PARP8: variants seen among roughly 807,000 people sequenced by gnomAD.
PARP8 encodes poly(ADP-ribose) polymerase family member 8.
PARP8 carries 51 observed loss-of-function variants against 124.1 expected under a neutral mutation model. The ratio of observed to expected loss-of-function variants is 0.41; its 90% confidence interval spans 0.33 to 0.52. The LOEUF is 0.52. Among genes scored for constraint, PARP8 ranks in the 20% least tolerant of loss-of-function variants. The pLI is 0.21. For missense variants in PARP8, 860 were observed against 1,018.9 expected, an observed-to-expected ratio of 0.84 and a Z score of 2.12; for synonymous variants, 391 against 361.5, an observed-to-expected ratio of 1.08 and a Z score of -0.93.
At chr5:50,816,322 G>C (rs564470801) in intron 15 of PARP8, among the ~76,000 whole-genome samples, 1 of 152,094 alleles carries the variant, frequency 6.6e-6, no homozygotes, top group Non-Finnish European at 1.5e-5. Flanking sequence ...TTGGTTTAGC[G>C]CTTTACCTTA....
chr5:50,778,223 T>C, intron 8 of PARP8, 94 bp downstream of exon 8: 2 of 913,792 alleles, frequency 2.2e-6, no homozygotes, highest in Non-Finnish European at 3.3e-6. Context: ...TGTCTTATAA[T>C]ACTATTAGTT....
At chr5:50,783,770 T>C (rs2149622684) in intron 9 of PARP8, among the ~76,000 whole-genome samples, 1 of 152,334 alleles carries the variant, frequency 6.6e-6, no homozygotes, top group African/African-American at 2.4e-5. Flanking sequence ...ATCATTTCAA[T>C]TGCGTGGCTC....
In PARP8 at chr5:50,695,905, T is replaced by C. The variant is rs78931005; in HGVS notation, c.146+27780T>C. On this transcript the variant is annotated intron_variant, in intron 2 of 25. Transcript: ENST00000281631. ...CATTCTCCTCTATGCATTATCTTGA[T>C]ATATTTGAGTTGAATTTACTGTTAA... is the stretch of plus-strand genomic sequence containing the variant. Among the ~76,000 whole-genome samples, 1,292 of 152,296 alleles carry C rather than the reference T, an allele frequency of 8.5e-3. 17 individuals carry two copies. Among genetic ancestry groups the C allele is most frequent in the African/African-American group, 0.03 (1,243 of 41,570 alleles).
At chr5:50,837,866 TAAA>T (rs1747755382) in intron 25 of PARP8, among the ~76,000 whole-genome samples, 1 of 151,836 alleles carries the variant, frequency 6.6e-6, no homozygotes, top group African/African-American at 2.4e-5. Context: ...GAAACTTAAT[TAAA>T]TATAAGTGCT....
intron 22 of PARP8, 126 bp downstream of exon 22, chr5:50,830,087 T>C: frequency 1.7e-6 from 2 of 1,148,290 alleles, no homozygotes; most frequent in East Asian, 3.0e-5. Context: ...GTTTGCTAAA[T>C]GTCAAAAGCA....
chr5:50,775,710 G>A (rs1257540981), intron 7 of PARP8, among the ~76,000 whole-genome samples: 1 of 152,104 alleles, frequency 6.6e-6, no homozygotes, highest in African/African-American at 2.4e-5. Flanking sequence ...CATTATTGGT[G>A]TACAGAAACT....
At chr5:50,783,229 GAGA>G (rs1477557622) in intron 9 of PARP8, among the ~76,000 whole-genome samples, 1 of 151,934 alleles carries the variant, frequency 6.6e-6, no homozygotes, top group African/African-American at 2.4e-5. Context: ...GAAGGGAGGA[GAGA>G]AGAAGGGAAA....
At chr5:50,667,850 G>T in intron 1 of PARP8, 1 of 1,333,828 alleles carries the variant, frequency 7.5e-7, no homozygotes, top group South Asian at 1.3e-5. Flanking sequence ...CTGTTGCCAT[G>T]GCACCCGGCA....
At chr5:50,692,553 C>T (rs1173617023) in intron 2 of PARP8, among the ~76,000 whole-genome samples, 1 of 151,722 alleles carries the variant, frequency 6.6e-6, no homozygotes, top group Admixed American at 6.6e-5. Context: ...TAGTACAGTG[C>T]CTGACTTAAA....
chr5:50,673,182 T>G (rs1282309137), intron 2 of PARP8, among the ~76,000 whole-genome samples: 1 of 151,762 alleles, frequency 6.6e-6, no homozygotes, highest in Non-Finnish European at 1.5e-5. Context: ...GGGGAGGGAG[T>G]GTGAAGGGAG....
At chr5:50,787,070 G>C (rs1741339897) in intron 9 of PARP8, among the ~76,000 whole-genome samples, 1 of 151,952 alleles carries the variant, frequency 6.6e-6, no homozygotes, top group African/African-American at 2.4e-5. Flanking sequence ...CATCCCTCTG[G>C]TTGCTCAGAC....
At chr5:50,727,039 AT>A (rs1241351504) in intron 2 of PARP8, among the ~76,000 whole-genome samples, 1 of 152,030 alleles carries the variant, frequency 6.6e-6, no homozygotes, top group Non-Finnish European at 1.5e-5. Context: ...ACCATCTGAA[AT>A]TTTCCAGGGT....
intron 2 of PARP8, among the ~76,000 whole-genome samples, chr5:50,710,321 T>C (rs575728391): frequency 6.6e-6 from 1 of 152,172 alleles, no homozygotes; most frequent in African/African-American, 2.4e-5. Flanking sequence ...TTTTGTACTT[T>C]CATGGATCTT....
chr5:50,801,170 G>A (rs376846465), intron 14 of PARP8, among the ~76,000 whole-genome samples: 4 of 151,670 alleles, frequency 2.6e-5, no homozygotes, highest in East Asian at 3.9e-4. Flanking sequence ...GCATGATCTC[G>A]GCTCACTGCA....
chr5:50,747,150 G>GTTTTTTTTTTTT (rs1561320439), intron 2 of PARP8, among the ~76,000 whole-genome samples: 4 of 38,474 alleles, frequency 1.0e-4, no homozygotes, highest in African/African-American at 2.8e-4. Context: ...GGTTTTTTTT[G>GTTTTTTTTTTTT]TTTGTTTGTT....
At chr5:50,799,712 T>A (rs1212550644) in intron 14 of PARP8, among the ~76,000 whole-genome samples, 1 of 152,130 alleles carries the variant, frequency 6.6e-6, no homozygotes, top group Non-Finnish European at 1.5e-5. Flanking sequence ...AAATCCTAAC[T>A]CCCATGTGAT....
chr5:50,831,327 T>A (rs1746955652), intron 22 of PARP8, among the ~76,000 whole-genome samples: 1 of 152,144 alleles, frequency 6.6e-6, no homozygotes, highest in African/African-American at 2.4e-5. Flanking sequence ...TAAGTGATTC[T>A]TTAGCCCCTC....
At position 50,815,415 on chromosome 5, in the gene PARP8, T is replaced by A; in HGVS notation, c.1576-17T>A. On this transcript the variant is annotated splice_polypyrimidine_tract_variant and intron_variant, in intron 14 of 25. Transcript: ENST00000281631. The stretch of plus-strand genomic sequence containing the variant: ...GTTGGAAAAAAGTTTTGTGATTGAT[T>A]CCTTTTTCTTTTGTAGCCTACCGTA... The A allele has an allele frequency of 3.9e-6, 6 of 1,535,854 alleles. No individual in the cohort carries two copies. Among genetic ancestry groups the A allele is most frequent in the African/African-American group, 1.4e-5 (1 of 70,036 alleles).
rs3991806 is a variant in PARP8 at position 50,775,789 on chromosome 5, T to G, written c.519-2280T>G. ...AAATTTGTTTATTAGTTTTACAGTT[T>G]TTTTGGTGGAGCCTTTAGAGTTTTT... On this transcript the variant is annotated intron_variant, in intron 7 of 25. Transcript: ENST00000281631. Among the ~76,000 whole-genome samples, 840 of 152,322 alleles carry G rather than the reference T, an allele frequency of 5.5e-3. 7 individuals are homozygous for G. Among genetic ancestry groups the G allele is most frequent in the African/African-American group, 0.019 (786 of 41,572 alleles).
Sources: allele counts gnomAD v4.1 joint callset (sites outside exome capture counted in the v4.1 genomes callset), GRCh38; gene constraint gnomAD v4.1.1; transcripts MANE v1.5; gene names NCBI Gene and HGNC (gene_info 2026-07-23, HGNC 2026-07-21).